Variants in PRUNE2 observed in about 807,000 individuals in gnomAD.
The protein encoded by PRUNE2 is protein prune homolog 2.
PRUNE2 carries 164 observed loss-of-function variants against 252.0 expected under a neutral mutation model. The ratio of observed to expected loss-of-function variants is 0.65; its 90% CI spans 0.57 to 0.74. PRUNE2 has a LOEUF of 0.74. PRUNE2 is among the 30% of genes least tolerant of loss of function. PRUNE2 has a pLI of 0.00. For missense variants in PRUNE2, 3,495 were observed against 3,711.0 expected (o/e 0.94, Z 1.51); for synonymous variants, 1,292 against 1,350.2 (o/e 0.96, Z 0.94).
chr9:76,811,936 G>A (rs569799492), intron 6 of PRUNE2, among the ~76,000 whole-genome samples: 26 of 152,304 alleles, frequency 1.7e-4, no homozygotes, highest in Admixed American at 1.4e-3. Context: ...GAAGAATGGC[G>A]CTGTAGTTGC....
chr9:76,822,096 A>G (rs2058067066), intron 6 of PRUNE2, among the ~76,000 whole-genome samples: 1 of 152,206 alleles, frequency 6.6e-6, no homozygotes, highest in African/African-American at 2.4e-5. Flanking sequence ...TGCAAGATCC[A>G]TGTTTTCCTT....
chr9:76,844,518 G>T (rs73653221), intron 4 of PRUNE2, among the ~76,000 whole-genome samples: 1 of 151,988 alleles, frequency 6.6e-6, no homozygotes, highest in African/African-American at 2.4e-5. Flanking sequence ...TAAATTACCC[G>T]ATCTCAGATA....
At chr9:76,645,286 T>C (rs1191775775) in intron 11 of PRUNE2, 2 of 163,980 alleles carry the variant, frequency 1.2e-5, no homozygotes, top group Non-Finnish European at 2.6e-5. Context: ...TGAAAGGCTG[T>C]GTACTAGACT....
intron 6 of PRUNE2, among the ~76,000 whole-genome samples, chr9:76,743,049 G>A (rs1165349970): frequency 2.0e-5 from 3 of 152,182 alleles, no homozygotes; most frequent in African/African-American, 7.2e-5. Context: ...CATGAGATCT[G>A]ATGGTTTTAT....
At chr9:76,654,722 G>A (rs1156413538) in intron 10 of PRUNE2, among the ~76,000 whole-genome samples, 1 of 152,094 alleles carries the variant, frequency 6.6e-6, no homozygotes, top group Non-Finnish European at 1.5e-5. Context: ...AAGCATATTT[G>A]GCCATAGAAC....
At chr9:76,686,409 T>C (rs565562147) in intron 9 of PRUNE2, among the ~76,000 whole-genome samples, 1 of 152,324 alleles carries the variant, frequency 6.6e-6, no homozygotes, top group African/African-American at 2.4e-5. Context: ...TCATAGGAAA[T>C]CCAATCTCTG....
intron 4 of PRUNE2, among the ~76,000 whole-genome samples, chr9:76,842,650 A>G (rs1366591689): frequency 1.3e-5 from 2 of 152,226 alleles, no homozygotes; most frequent in African/African-American, 4.8e-5. Context: ...TAAAACAAAC[A>G]ACCCCAACAA....
intron 6 of PRUNE2, among the ~76,000 whole-genome samples, chr9:76,749,621 C>T (rs2050436153): frequency 6.6e-6 from 1 of 152,208 alleles, no homozygotes; most frequent in Non-Finnish European, 1.5e-5. Context: ...TTGCTTGGCA[C>T]CCTGCAAATA....
chr9:76,709,066 C>T lies in PRUNE2; in HGVS notation c.3208G>A (p.Asp1070Asn). The change falls in exon 8 of 19, where the codon GAC (aspartate) becomes AAC (asparagine). Residue 1070 changes from aspartate (D) to asparagine (N), a missense_variant. Coordinates refer to ENST00000376718, the MANE Select transcript of PRUNE2 (RefSeq NM_015225.3). ...CTGGACTGGCTGCTTTCCCCGACGT[C>T]ATCCTCCATGGAGATATTCTTACCA... ...TDGKNISMED[D>N]VGESSQSSYD... is the part of the protein sequence containing the mutation. 4 of 1,613,994 alleles carry T rather than the reference C, an allele frequency of 2.5e-6. No individual in the cohort carries two copies. The highest frequency in any genetic ancestry group is 3.4e-6 in the Non-Finnish European group (4 of 1,179,884).
intron 6 of PRUNE2, among the ~76,000 whole-genome samples, chr9:76,732,545 C>T (rs2048719321): frequency 6.6e-6 from 1 of 152,156 alleles, no homozygotes. Context: ...ATTTCTTATA[C>T]AGGGGCAAAG....
rs778745144 is a variant in PRUNE2, at chr9:76,707,652, G to A, written c.4622C>T (p.Thr1541Ile). 3.9e-5 allele frequency: 63 copies of A among 1,613,744 alleles called. No individual in the cohort carries two copies. The highest frequency in any genetic ancestry group is 5.1e-5 in the Non-Finnish European group (60 of 1,179,872). Residue 1541 changes from threonine to isoleucine, a missense_variant, in exon 8 of 19, where the codon ACT (threonine) becomes ATT (isoleucine). Thr to Ile is a moderately conservative substitution (Grantham distance 89, BLOSUM62 -1). Transcript: ENST00000376718. ...FDRDTISSEYTHSSASSPELN... is the reference protein window; with the variant it reads ...FDRDTISSEYIHSSASSPELN... ...CTCAGGACTTGATGCACTTGAATGA[G>A]TATACTCACTAGAAATAGTATCTCT...
chr9:76,797,279 T>C (rs1007339317), intron 6 of PRUNE2, among the ~76,000 whole-genome samples: 1 of 152,216 alleles, frequency 6.6e-6, no homozygotes. Context: ...GGTATAAATA[T>C]ATAAAAATGC....
At chr9:76,825,197 G>A (rs1049104107) in intron 5 of PRUNE2, among the ~76,000 whole-genome samples, 4 of 152,268 alleles carry the variant, frequency 2.6e-5, no homozygotes, top group East Asian at 1.9e-4. Flanking sequence ...AATGTTTAAC[G>A]GCCAGTAACA....
intron 1 of PRUNE2, chr9:76,863,060 T>A (rs1589648922): frequency 6.6e-6 from 1 of 152,240 alleles, no homozygotes; most frequent in African/African-American, 2.4e-5. Flanking sequence ...CGGATCTTCA[T>A]ACTTTAGTCA....
At chr9:76,888,314 C>T (rs2062230872) in intron 1 of PRUNE2, among the ~76,000 whole-genome samples, 1 of 152,188 alleles carries the variant, frequency 6.6e-6, no homozygotes, top group African/African-American at 2.4e-5. Flanking sequence ...CACGGTGGCT[C>T]ACGCCTGTAA....
intron 1 of PRUNE2, among the ~76,000 whole-genome samples, chr9:76,896,277 C>T (rs1330505754): frequency 6.6e-6 from 1 of 152,194 alleles, no homozygotes. Flanking sequence ...ATGTGTTTTG[C>T]TATGCTCCCA....
At chr9:76,798,526 G>A (rs371132308) in intron 6 of PRUNE2, among the ~76,000 whole-genome samples, 3 of 152,056 alleles carry the variant, frequency 2.0e-5, no homozygotes, top group Non-Finnish European at 4.4e-5. Context: ...TTGTTTAACC[G>A]TTCATCTGTG....
intron 6 of PRUNE2, among the ~76,000 whole-genome samples, chr9:76,800,523 A>G (rs2056476433): frequency 6.6e-6 from 1 of 152,328 alleles, no homozygotes; most frequent in African/African-American, 2.4e-5. Flanking sequence ...AATTTAAAAG[A>G]TCCAGATTAA....
intron 1 of PRUNE2, chr9:76,862,552 T>C (rs928242776): frequency 3.3e-5 from 5 of 152,168 alleles, no homozygotes; most frequent in Admixed American, 1.3e-4. Context: ...GAGCTTCTTC[T>C]ACTAAATGAT....
Sources: gnomAD v4.1 joint callset for allele counts (sites outside exome capture counted in the v4.1 genomes callset) on GRCh38, gnomAD v4.1.1 for gene constraint, MANE v1.5 for transcripts, NCBI Gene and HGNC (gene_info 2026-07-23, HGNC 2026-07-21) for gene names.